Variants in THEMIS observed in about 807,000 individuals in gnomAD.
THEMIS encodes the protein thymocyte selection associated, also known as protein THEMIS.
In THEMIS, 37 loss-of-function variants were observed where a neutral mutation model predicts 52.6. The observed-to-expected ratio is 0.70, with a 90% confidence interval of 0.54 to 0.93. THEMIS has a LOEUF of 0.93. THEMIS is among the 40% of genes least tolerant of loss of function. THEMIS has a pLI of 0.00. For missense variants in THEMIS, 808 were observed against 763.1 expected (o/e 1.06, Z -0.69); for synonymous variants, 292 against 272.7 (o/e 1.07, Z -0.70).
At chr6:127,890,282 C>T (rs1780764300) in intron 1 of THEMIS, among the ~76,000 whole-genome samples, 2 of 152,066 alleles carry the variant, frequency 1.3e-5, no homozygotes, top group East Asian at 3.9e-4. Flanking sequence ...GTAATAAAAA[C>T]ATGTAGTATT....
At position 127,787,884 on chromosome 6, in the gene THEMIS, G is replaced by GATAGATAGATAGAT. The variant is rs1562258110; in HGVS notation, c.1758+24985_1758+24998dup. On this transcript the variant is annotated intron_variant, in intron 4 of 5. Transcript: ENST00000368248. Reference sequence around the variant, plus strand: ...ATAGATAGATAGATAGATAGATATAGATAGATAGATAGATAGATAGATAGA... The same window carrying GATAGATAGATAGAT: ...ATAGATAGATAGATAGATAGATATAGATAGATAGATAGATATAGATAGATAGATAGATAGATAGA... Among the ~76,000 whole-genome samples, 13 of 133,070 alleles carry GATAGATAGATAGAT rather than the reference G, an allele frequency of 9.8e-5. No individual in the cohort carries two copies. In the East Asian group the frequency reaches 2.0e-3, roughly 20 times the overall value. 87.3% of individuals were successfully genotyped at this position (133,070 alleles called of 152,430 possible). A position where few individuals can be genotyped will look rare whatever the true frequency, so the allele number is the denominator to read the frequency against.
intron 1 of THEMIS, among the ~76,000 whole-genome samples, chr6:127,873,199 G>T (rs1039425053): frequency 6.6e-6 from 1 of 152,108 alleles, no homozygotes; most frequent in African/African-American, 2.4e-5. Flanking sequence ...TCTCAACAAC[G>T]TAAAGATGTC....
intron 4 of THEMIS, among the ~76,000 whole-genome samples, chr6:127,733,755 C>T (rs1001237129): frequency 6.6e-6 from 1 of 152,078 alleles, no homozygotes; most frequent in Non-Finnish European, 1.5e-5. Flanking sequence ...GAAAATAAGA[C>T]AGAAGAACGT....
At chr6:127,734,491 G>A (rs1402746859) in intron 4 of THEMIS, among the ~76,000 whole-genome samples, 1 of 152,068 alleles carries the variant, frequency 6.6e-6, no homozygotes, top group African/African-American at 2.4e-5. Flanking sequence ...TGCTTTTTGT[G>A]TATTCTTGAA....
intron 2 of THEMIS, among the ~76,000 whole-genome samples, chr6:127,854,546 T>C (rs916247824): frequency 2.6e-5 from 4 of 151,726 alleles, no homozygotes; most frequent in Admixed American, 2.6e-4. Flanking sequence ...TTGAGCTAGT[T>C]TTGGAGGGCT....
intron 4 of THEMIS, among the ~76,000 whole-genome samples, chr6:127,746,158 A>G: frequency 6.6e-6 from 1 of 151,918 alleles, no homozygotes; most frequent in East Asian, 1.9e-4. Context: ...TATCTATTAT[A>G]TAACATTAAG....
chr6:127,907,337 A>ATGTTTTTTTTTTTTTTTTTTT (rs1781297441), intron 1 of THEMIS, among the ~76,000 whole-genome samples: 1 of 49,448 alleles, frequency 2.0e-5, no homozygotes, highest in Non-Finnish European at 3.7e-5. Flanking sequence ...TTAGGCTCGG[A>ATGTTTTTTTTTTTTTTTTTTT]TTTTTTTTTT....
rs140613393 is a variant in THEMIS, at chr6:127,829,804, G to T, written c.381C>A (p.Asn127Lys). 5.1e-5 allele frequency: 82 copies of T among 1,614,056 alleles called. No individual in the cohort carries two copies. In the African/African-American group the frequency reaches 1.0e-3, roughly 20 times the overall value. ...FYHQKDIKLENLIIKQGEQIM... is the reference protein window; with the variant it reads ...FYHQKDIKLEKLIIKQGEQIM... Reference sequence around the variant, plus strand: ...TTTGCTCACCCTGCTTTATGATGAGGTTCTCTAGTTTTATATCCTTCTGAT... The same window carrying T: ...TTTGCTCACCCTGCTTTATGATGAGTTTCTCTAGTTTTATATCCTTCTGAT... The change falls in exon 3 of 6, where the codon AAC becomes AAA. Residue 127 changes from asparagine to lysine, a missense_variant. Coordinates refer to ENST00000368248, the MANE Select transcript of THEMIS (RefSeq NM_001010923.3).
At chr6:127,792,765 C>T (rs538039133) in intron 4 of THEMIS, among the ~76,000 whole-genome samples, 2 of 152,292 alleles carry the variant, frequency 1.3e-5, no homozygotes, top group South Asian at 4.1e-4. Context: ...TCTGGCAGAG[C>T]TTTAAAGAAC....
chr6:127,841,439 C>T (rs546276892), intron 2 of THEMIS, among the ~76,000 whole-genome samples: 6 of 151,982 alleles, frequency 3.9e-5, no homozygotes, highest in South Asian at 2.1e-4. Flanking sequence ...GTAAGAAAGA[C>T]GGATGGTAAG....
intron 1 of THEMIS, among the ~76,000 whole-genome samples, chr6:127,871,451 T>C (rs2114384688): frequency 6.6e-6 from 1 of 151,994 alleles, no homozygotes; most frequent in South Asian, 2.1e-4. Flanking sequence ...CTCAAATCAG[T>C]AATCTAAGCT....
intron 3 of THEMIS, among the ~76,000 whole-genome samples, chr6:127,819,334 G>A (rs1778254555): frequency 6.6e-6 from 1 of 151,808 alleles, no homozygotes; most frequent in Non-Finnish European, 1.5e-5. Context: ...TAAGACAACT[G>A]CAAAAGATGT....
intron 4 of THEMIS, among the ~76,000 whole-genome samples, chr6:127,730,518 G>C (rs932338396): frequency 1.3e-5 from 2 of 150,390 alleles, no homozygotes; most frequent in African/African-American, 2.4e-5. Flanking sequence ...AAGGAAGGGA[G>C]GGAGGGAAGG....
At chr6:127,818,198 A>G (rs1210016901) in intron 3 of THEMIS, among the ~76,000 whole-genome samples, 15 of 152,182 alleles carry the variant, frequency 9.9e-5, no homozygotes, top group Non-Finnish European at 2.9e-5. Flanking sequence ...TAGCCATTCT[A>G]TCTCTCCCAA....
intron 4 of THEMIS, among the ~76,000 whole-genome samples, chr6:127,748,862 A>C (rs558859954): frequency 6.6e-6 from 1 of 152,202 alleles, no homozygotes; most frequent in South Asian, 2.1e-4. Context: ...TTTGATATTC[A>C]TACCTCAAAT....
intron 1 of THEMIS, among the ~76,000 whole-genome samples, chr6:127,871,301 A>G (rs1360733966): frequency 2.0e-5 from 3 of 152,034 alleles, no homozygotes; most frequent in Admixed American, 1.3e-4. Flanking sequence ...ACATACACAT[A>G]CACATACATA....
Position 127,758,318 on chromosome 6 carries a change from C to T in THEMIS, c.1759-38495G>A, listed in dbSNP as rs147010648. 3.5e-3 allele frequency among the ~76,000 whole-genome samples: 519 copies of T among 149,700 alleles called. 3 individuals are homozygous for T. The highest frequency in any genetic ancestry group is 0.012 in the African/African-American group (479 of 41,104). ...CAATTTCTACACTTAAACCCACAAA[C>T]GGATCAATTTCTTAGAGAAACATGG... On this transcript the variant is annotated intron_variant, in intron 4 of 5. Transcript: ENST00000368248.
chr6:127,800,229 G>C (rs1213281570), intron 4 of THEMIS, among the ~76,000 whole-genome samples: 4 of 152,126 alleles, frequency 2.6e-5, no homozygotes, highest in Non-Finnish European at 5.9e-5. Context: ...TTGGCACTCA[G>C]CTAATAAAGC....
At chr6:127,746,752 A>C (rs1775408425) in intron 4 of THEMIS, among the ~76,000 whole-genome samples, 1 of 83,276 alleles carries the variant, frequency 1.2e-5, no homozygotes, top group Non-Finnish European at 2.1e-5. Context: ...ATATATAATT[A>C]TATATTATTA....
Sources: allele counts gnomAD v4.1 joint callset (sites outside exome capture counted in the v4.1 genomes callset), GRCh38; gene constraint gnomAD v4.1.1; transcripts MANE v1.5; gene names NCBI Gene and HGNC (gene_info 2026-07-23, HGNC 2026-07-21).